The following CENPP variants were observed in gnomAD, a reference collection of about 807,000 sequenced individuals.
CENPP encodes the protein centromere protein P.
CENPP carries 24 observed loss-of-function variants against 35.6 expected under a neutral mutation model. The ratio of observed to expected loss-of-function variants is 0.67; its 90% CI spans 0.49 to 0.95. The LOEUF is 0.95. Among genes scored for constraint, CENPP ranks in the 40% least tolerant of loss-of-function variants. CENPP has a pLI of 0.00. For missense variants in CENPP, 332 were observed against 345.3 expected, an observed-to-expected ratio of 0.96 and a Z score of 0.31; for synonymous variants, 120 against 125.5, an observed-to-expected ratio of 0.96 and a Z score of 0.29.
chr9:92,470,876 T>A, intron 5 of CENPP: 1 of 782,598 alleles, frequency 1.3e-6, no homozygotes, highest in Non-Finnish European at 2.1e-6. Flanking sequence ...AACCCATGAT[T>A]ATCATCAAGT....
chr9:92,618,460 C>A lies in CENPP; in HGVS notation c.*5311C>A, dbSNP rs781488367. The stretch of plus-strand genomic sequence containing the variant: ...GAGTAACATGTCTGTCCTTCAGCGG[C>A]CTTTCACAGCCCACCTAAGGGCACC... On this transcript the variant is annotated 3_prime_UTR_variant, in exon 8 of 8. Coordinates refer to ENST00000375587, the MANE Select transcript of CENPP (RefSeq NM_001012267.3). The A allele has an allele frequency of 2.8e-5, 13 of 456,616 alleles. No individual in the cohort carries two copies. Among genetic ancestry groups the A allele is most frequent in the South Asian group, 2.0e-4 (13 of 64,576 alleles). 28.3% of individuals were successfully genotyped at this position (456,616 alleles called of 1,614,324 possible).
intron 4 of CENPP, among the ~76,000 whole-genome samples, chr9:92,361,915 T>C (rs562336294): frequency 6.6e-6 from 1 of 152,286 alleles, no homozygotes; most frequent in East Asian, 1.9e-4. Context: ...GTTGATCTCA[T>C]AATATCTTAC....
intron 5 of CENPP, chr9:92,494,103 C>T (rs984147053): frequency 6.3e-7 from 1 of 1,597,912 alleles, no homozygotes; most frequent in Middle Eastern, 1.7e-4. Flanking sequence ...GGAAAGGCCA[C>T]ATCTGATCTG....
intron 4 of CENPP, among the ~76,000 whole-genome samples, chr9:92,351,415 G>A (rs568663753): frequency 6.6e-6 from 1 of 151,158 alleles, no homozygotes; most frequent in East Asian, 2.0e-4. Flanking sequence ...GGGAGGCGGA[G>A]GTTGTGGTGA....
At chr9:92,478,084 G>T (rs565628307) in intron 5 of CENPP, among the ~76,000 whole-genome samples, 7 of 151,998 alleles carry the variant, frequency 4.6e-5, no homozygotes, top group Non-Finnish European at 8.8e-5. Flanking sequence ...CTGGTAAGAG[G>T]GATAATGGGA....
intron 5 of CENPP, among the ~76,000 whole-genome samples, chr9:92,421,360 C>G (rs574519260): frequency 5.9e-5 from 9 of 152,234 alleles, no homozygotes; most frequent in African/African-American, 2.2e-4. Flanking sequence ...TAAATTCTGA[C>G]CTGAGGAATT....
chr9:92,613,146 C>T lies in CENPP; in HGVS notation c.864C>T (p.Asn288=), dbSNP rs1851321495. 1.2e-6 allele frequency: 2 copies of T among 1,614,174 alleles called. No individual in the cohort carries two copies. The highest frequency in any genetic ancestry group is 3.3e-4 in the Middle Eastern group (2 of 6,062). The part of the protein sequence containing the change: ...LIKSLCAEEN[N] ...AATCGCTTTGTGCAGAGGAGAACAA[C>T]TAGTTCCAAAACAGTGAACGTGGAG... Residue 288 remains asparagine (N), a synonymous_variant, in exon 8 of 8, where the codon AAC becomes AAT. Transcript: ENST00000375587.
chr9:92,587,731 AC>A (rs1850574712), intron 5 of CENPP, among the ~76,000 whole-genome samples: 1 of 152,218 alleles, frequency 6.6e-6, no homozygotes, highest in African/African-American at 2.4e-5. Flanking sequence ...CTTAGTGGGA[AC>A]CACTTTTATT....
chr9:92,388,397 A>G (rs944811137), intron 5 of CENPP, among the ~76,000 whole-genome samples: 1 of 151,980 alleles, frequency 6.6e-6, no homozygotes, highest in African/African-American at 2.4e-5. Flanking sequence ...CCTGACCTCA[A>G]GTGATCCGCC....
At chr9:92,548,984 A>G (rs777926052) in intron 5 of CENPP, among the ~76,000 whole-genome samples, 1 of 152,220 alleles carries the variant, frequency 6.6e-6, no homozygotes, top group Non-Finnish European at 1.5e-5. Context: ...TATCCCAAAT[A>G]TCAACACTGA....
intron 5 of CENPP, among the ~76,000 whole-genome samples, chr9:92,484,624 T>C (rs923908454): frequency 1.3e-5 from 2 of 152,228 alleles, no homozygotes; most frequent in African/African-American, 2.4e-5. Context: ...AGATTTCAAC[T>C]TCTCTTTAAA....
At position 92,444,517 on chromosome 9, in the gene CENPP, C is replaced by CT. The variant is rs1844502546; in HGVS notation, c.564+64664dup. On this transcript the variant is annotated intron_variant, in intron 5 of 7. Transcript: ENST00000375587. ...AATTTTGCTGATGTCTAATTTATGTCTTTTTTGCTTGTGATTTTGGTGTCA... is the reference window on the plus strand; with the variant it reads ...AATTTTGCTGATGTCTAATTTATGTCTTTTTTTGCTTGTGATTTTGGTGTCA... Among the ~76,000 whole-genome samples the CT allele has an allele frequency of 3.3e-5, 5 of 150,996 alleles. No homozygotes were observed. In the South Asian group the frequency reaches 1.1e-3, roughly 32 times the overall value.
intron 5 of CENPP, among the ~76,000 whole-genome samples, chr9:92,488,637 C>T (rs539561316): frequency 6.6e-6 from 1 of 152,128 alleles, no homozygotes; most frequent in Non-Finnish European, 1.5e-5. Context: ...TAGTTAAATT[C>T]ACTTTCCAAA....
In CENPP at chr9:92,325,954, G is replaced by C. The variant is rs536518868; in HGVS notation, c.-45G>C. 7 of 1,488,286 alleles carry C rather than the reference G, an allele frequency of 4.7e-6. No homozygotes were observed. Among genetic ancestry groups the C allele is most frequent in the Non-Finnish European group, 6.4e-6 (7 of 1,092,172 alleles). The allele number at this position is 1,488,286 out of a possible 1,614,324, so 92.2% of individuals were successfully genotyped here. On this transcript the variant is annotated 5_prime_UTR_variant, in exon 1 of 8. Transcript: ENST00000375587. The stretch of plus-strand genomic sequence containing the variant: ...AAGCGCGGGTGAAGCGCGCAGGTCG[G>C]AGTGACAGCTGCGCTGCCGGCCCGG...
chr9:92,446,634 C>A (rs1019863907), intron 5 of CENPP, among the ~76,000 whole-genome samples: 19 of 151,922 alleles, frequency 1.3e-4, no homozygotes, highest in African/African-American at 4.6e-4. Context: ...TAATAAGCAT[C>A]ATTCAGTGAT....
intron 4 of CENPP, among the ~76,000 whole-genome samples, chr9:92,357,997 T>C (rs1841638315): frequency 6.6e-6 from 1 of 152,162 alleles, no homozygotes; most frequent in African/African-American, 2.4e-5. Flanking sequence ...TTCAAGATAT[T>C]CTCTCTTTGT....
intron 5 of CENPP, chr9:92,496,191 T>C: frequency 7.1e-7 from 1 of 1,404,686 alleles, no homozygotes; most frequent in Non-Finnish European, 9.2e-7. Context: ...TGTTAGTGAA[T>C]CAGGTTGACT....
chr9:92,356,899 T>C (rs1187032328), intron 4 of CENPP, among the ~76,000 whole-genome samples: 1 of 152,228 alleles, frequency 6.6e-6, no homozygotes, highest in Non-Finnish European at 1.5e-5. Flanking sequence ...GGTCCCTGAC[T>C]TCCTACAACA....
chr9:92,435,038 C>T (rs1019105728), intron 5 of CENPP, among the ~76,000 whole-genome samples: 47 of 151,992 alleles, frequency 3.1e-4, no homozygotes, highest in African/African-American at 1.1e-3. Context: ...GACAACAGAG[C>T]GAGACTCCAT....
Sources: allele counts gnomAD v4.1 joint callset (sites outside exome capture counted in the v4.1 genomes callset), GRCh38; gene constraint gnomAD v4.1.1; transcripts MANE v1.5; gene names NCBI Gene and HGNC (gene_info 2026-07-23, HGNC 2026-07-21).